Variants in TMCC1 observed in about 807,000 individuals in gnomAD.
TMCC1 encodes the protein transmembrane and coiled-coil domains protein 1.
Under a neutral mutation model 52.4 loss-of-function variants are expected in TMCC1, and 15 were observed. The observed-to-expected ratio is 0.29, with a 90% CI of 0.19 to 0.44. TMCC1 has a LOEUF of 0.44. Ranked by LOEUF, TMCC1 falls within the 20% of genes least tolerant of loss-of-function variation. The probability of loss-of-function intolerance (pLI) is 1.00; values close to 1 mark genes in which losing one functional copy is unlikely to be tolerated. For synonymous variants in TMCC1, 279 were observed against 301.9 expected (o/e 0.92, Z 0.79); for missense variants, 503 against 806.0 (o/e 0.62, Z 4.55).
intron 4 of TMCC1, among the ~76,000 whole-genome samples, chr3:129,676,650 C>T (rs886103363): frequency 6.6e-5 from 10 of 152,062 alleles, no homozygotes; most frequent in African/African-American, 2.4e-4. Flanking sequence ...ACAATAGCAC[C>T]CAGCTTTGAG....
At chr3:129,676,036 CAAA>C (rs61105005) in intron 4 of TMCC1, among the ~76,000 whole-genome samples, 18 of 46,310 alleles carry the variant, frequency 3.9e-4, no homozygotes, top group African/African-American at 1.4e-3. Context: ...GACTCTGTCT[CAAA>C]AAAAAAAAAA....
intron 4 of TMCC1, among the ~76,000 whole-genome samples, chr3:129,795,498 A>C (rs954706220): frequency 2.6e-5 from 4 of 152,116 alleles, no homozygotes; most frequent in Admixed American, 1.3e-4. Context: ...ATTTCCTGTG[A>C]GCAAAGTTAT....
intron 4 of TMCC1, among the ~76,000 whole-genome samples, chr3:129,766,229 T>C (rs1211362387): frequency 6.6e-6 from 1 of 152,160 alleles, no homozygotes; most frequent in Non-Finnish European, 1.5e-5. Context: ...TGAGCCAGAA[T>C]TGTTTAGTAG....
chr3:129,839,990 C>T (rs1332339544), intron 2 of TMCC1, among the ~76,000 whole-genome samples: 3 of 149,908 alleles, frequency 2.0e-5, no homozygotes, highest in African/African-American at 7.4e-5. Flanking sequence ...TGTAAATAGT[C>T]TTACCAGTTA....
chr3:129,706,483 G>C lies in TMCC1; in HGVS notation c.577-35219C>G, dbSNP rs183670717. Among the ~76,000 whole-genome samples the C allele has an allele frequency of 4.5e-3, 692 of 152,236 alleles. 7 individuals are homozygous for C. The highest frequency in any genetic ancestry group is 0.016 in the African/African-American group (658 of 41,540). On this transcript the variant is annotated intron_variant, in intron 4 of 6. Transcript: ENST00000393238. ...AGCCTCCCAAAGTGCTGGGATTACA[G>C]GTGTGAGCCACTGCACTTGGCTTGA...
At chr3:129,762,421 C>T (rs959564971) in intron 4 of TMCC1, among the ~76,000 whole-genome samples, 17 of 152,208 alleles carry the variant, frequency 1.1e-4, no homozygotes, top group African/African-American at 4.1e-4. Context: ...TGCCTGATCA[C>T]ATGAACCCTG....
intron 4 of TMCC1, among the ~76,000 whole-genome samples, chr3:129,700,554 G>A (rs1479034650): frequency 2.0e-5 from 3 of 151,938 alleles, no homozygotes; most frequent in African/African-American, 7.3e-5. Flanking sequence ...TCGGCTCACT[G>A]CAACCTCTAC....
intron 4 of TMCC1, among the ~76,000 whole-genome samples, chr3:129,821,202 C>T (rs1213454239): frequency 6.6e-6 from 1 of 152,180 alleles, no homozygotes; most frequent in African/African-American, 2.4e-5. Context: ...AATATTGAGG[C>T]ATCTGTGCTG....
chr3:129,822,804 T>C (rs1054281743), intron 4 of TMCC1, among the ~76,000 whole-genome samples: 4 of 152,156 alleles, frequency 2.6e-5, no homozygotes, highest in African/African-American at 9.7e-5. Context: ...TTAATCAAAG[T>C]AGCTTAATAG....
intron 4 of TMCC1, among the ~76,000 whole-genome samples, chr3:129,788,576 C>T (rs574247210): frequency 4.1e-4 from 63 of 152,204 alleles, no homozygotes; most frequent in African/African-American, 1.3e-3. Flanking sequence ...CATTCTCCTG[C>T]CTCAGCCTCC....
chr3:129,733,709 C>T (rs1387726965), intron 4 of TMCC1, among the ~76,000 whole-genome samples: 1 of 152,072 alleles, frequency 6.6e-6, no homozygotes, highest in Non-Finnish European at 1.5e-5. Context: ...GAGTATTTCA[C>T]CAGCAAGCAG....
At chr3:129,778,903 T>C (rs150888678) in intron 4 of TMCC1, among the ~76,000 whole-genome samples, 158 of 152,272 alleles carry the variant, frequency 1.0e-3, no homozygotes, top group African/African-American at 3.4e-3. Context: ...AATTATCCAG[T>C]CTCGGGCAGT....
At chr3:129,806,966 G>GAT (rs2057502239) in intron 4 of TMCC1, among the ~76,000 whole-genome samples, 1 of 152,018 alleles carries the variant, frequency 6.6e-6, no homozygotes. Flanking sequence ...CTAAGAAAAA[G>GAT]ATATATATAG....
chr3:129,753,401 T>G (rs1375707255), intron 4 of TMCC1, among the ~76,000 whole-genome samples: 1 of 152,210 alleles, frequency 6.6e-6, no homozygotes, highest in African/African-American at 2.4e-5. Flanking sequence ...TTCAGCAAGT[T>G]AATTATGTAT....
intron 4 of TMCC1, among the ~76,000 whole-genome samples, chr3:129,737,341 C>T (rs190337571): frequency 2.9e-4 from 44 of 152,176 alleles, no homozygotes; most frequent in Non-Finnish European, 5.3e-4. Context: ...ATTAGCTGGG[C>T]GTGGTGGCAC....
intron 4 of TMCC1, among the ~76,000 whole-genome samples, chr3:129,715,324 C>T (rs1341469358): frequency 4.6e-5 from 7 of 152,096 alleles, no homozygotes; most frequent in African/African-American, 7.2e-5. Context: ...TTTGGGAGGC[C>T]GAGGCAGGGG....
In TMCC1 at chr3:129,660,201, G is replaced by A. The variant is rs1393474507; in HGVS notation, c.1512-5098C>T. Among the ~76,000 whole-genome samples, 4 of 152,164 alleles carry A rather than the reference G, an allele frequency of 2.6e-5. No individual in the cohort carries two copies. The East Asian group carries it at 7.7e-4, about 29-fold the overall frequency. ...TTTTCTCTGTCGCCCAGGTTGGAGT[G>A]CAGTGGCGTGATCGTGGCTCATTGT... On this transcript the variant is annotated intron_variant, in intron 5 of 6. Coordinates refer to ENST00000393238, the MANE Select transcript of TMCC1 (RefSeq NM_001017395.5).
chr3:129,875,942 T>C lies in TMCC1; in HGVS notation c.-184+4367A>G, dbSNP rs191133997. Among the ~76,000 whole-genome samples the C allele has an allele frequency of 4.6e-3, 693 of 152,274 alleles. 8 individuals are homozygous for C. The highest frequency in any genetic ancestry group is 0.016 in the African/African-American group (659 of 41,550). ...TGAGATTGGGAGTTTAAAACCAGCC[T>C]GACCAACACGGAGAAACCCCGTCTC... On this transcript the variant is annotated intron_variant, in intron 2 of 6. Transcript: ENST00000393238.
intron 3 of TMCC1, among the ~76,000 whole-genome samples, chr3:129,831,382 T>G (rs765849943): frequency 4.6e-5 from 7 of 152,058 alleles, no homozygotes; most frequent in Non-Finnish European, 8.8e-5. Flanking sequence ...AGTAATAAAT[T>G]ATCGGATTTT....
Sources: allele counts gnomAD v4.1 joint callset (sites outside exome capture counted in the v4.1 genomes callset), GRCh38; gene constraint gnomAD v4.1.1; transcripts MANE v1.5; gene names NCBI Gene and HGNC (gene_info 2026-07-23, HGNC 2026-07-21).